The following ST3GAL3 variants were observed in gnomAD, a reference collection of about 807,000 sequenced individuals.
The protein encoded by ST3GAL3 is ST3 beta-galactoside alpha-2,3-sialyltransferase 3.
A neutral mutation model predicts 50.1 loss-of-function variants in ST3GAL3; 21 were observed. That is an observed-to-expected ratio of 0.42 (90% CI 0.30 to 0.60). ST3GAL3 has a LOEUF of 0.60. Ranked by LOEUF, ST3GAL3 falls within the 20% of genes least tolerant of loss-of-function variation. ST3GAL3 has a pLI of 0.19. For synonymous variants in ST3GAL3, 183 were observed against 190.0 expected (o/e 0.96, Z 0.30); for missense variants, 353 against 489.4 (o/e 0.72, Z 2.63).
At chr1:43,898,463 C>A in intron 7 of ST3GAL3, 165 bp downstream of exon 7, 1 of 724,218 alleles carries the variant, frequency 1.4e-6, no homozygotes, top group South Asian at 1.5e-5. Context: ...TGGAACCACT[C>A]CACCTGACTT....
chr1:43,928,521 A>AC (rs1489272723), intron 11 of ST3GAL3, among the ~76,000 whole-genome samples: 1 of 151,568 alleles, frequency 6.6e-6, no homozygotes, highest in African/African-American at 2.4e-5. Flanking sequence ...AATCCCTTGA[A>AC]CCCGGGGGGC....
intron 4 of ST3GAL3, among the ~76,000 whole-genome samples, chr1:43,827,041 C>A (rs916319233): frequency 1.3e-5 from 2 of 152,130 alleles, no homozygotes; most frequent in Admixed American, 6.5e-5. Context: ...AAGGATGTCC[C>A]CCCTCTCACC....
chr1:43,774,640 T>C (rs1445489069), intron 2 of ST3GAL3, among the ~76,000 whole-genome samples: 2 of 152,196 alleles, frequency 1.3e-5, no homozygotes, highest in African/African-American at 4.8e-5. Flanking sequence ...AAATACAGAT[T>C]TGTAAAAGTC....
At chr1:43,883,153 A>G (rs1224000879) in intron 5 of ST3GAL3, among the ~76,000 whole-genome samples, 1 of 151,772 alleles carries the variant, frequency 6.6e-6, no homozygotes, top group African/African-American at 2.4e-5. Context: ...ATTTTTCATA[A>G]TGACAGGGTC....
intron 4 of ST3GAL3, among the ~76,000 whole-genome samples, chr1:43,836,689 G>T (rs2064384474): frequency 6.6e-6 from 1 of 152,242 alleles, no homozygotes; most frequent in South Asian, 2.1e-4. Context: ...ACTCAGAACT[G>T]GCAGCCAGCC....
At chr1:43,748,213 A>G (rs1470915273) in intron 2 of ST3GAL3, among the ~76,000 whole-genome samples, 1 of 152,160 alleles carries the variant, frequency 6.6e-6, no homozygotes, top group African/African-American at 2.4e-5. Context: ...CAAATAGAAA[A>G]TAAGATTAAA....
chr1:43,853,039 TA>T (rs1291630939), intron 5 of ST3GAL3, among the ~76,000 whole-genome samples: 2 of 152,244 alleles, frequency 1.3e-5, no homozygotes, highest in Non-Finnish European at 2.9e-5. Context: ...TCGTAAAACC[TA>T]AATTGACACA....
intron 4 of ST3GAL3, among the ~76,000 whole-genome samples, chr1:43,834,471 C>A (rs565387800): frequency 6.6e-6 from 1 of 152,310 alleles, no homozygotes; most frequent in South Asian, 2.1e-4. Context: ...GTGGTGACCT[C>A]CCTGTTGCCG....
chr1:43,846,188 T>C (rs992966914), intron 5 of ST3GAL3, among the ~76,000 whole-genome samples: 2 of 152,216 alleles, frequency 1.3e-5, no homozygotes, highest in Non-Finnish European at 2.9e-5. Flanking sequence ...TTACTGACTT[T>C]CTGTACACTT....
intron 9 of ST3GAL3, among the ~76,000 whole-genome samples, chr1:43,904,862 C>CCT: frequency 3.2e-5 from 2 of 62,570 alleles, no homozygotes; most frequent in Non-Finnish European, 8.1e-5. Context: ...ACTCTTCCTC[C>CCT]TCCTCCTCCT....
chr1:43,815,883 TTGGATGGA>T (rs3838469), intron 4 of ST3GAL3, among the ~76,000 whole-genome samples: 26 of 145,394 alleles, frequency 1.8e-4, no homozygotes, highest in East Asian at 4.2e-4. Context: ...GAATGCTTGG[TTGGATGGA>T]TGGATGGATG....
At chr1:43,796,798 T>A (rs2058731204) in intron 3 of ST3GAL3, among the ~76,000 whole-genome samples, 1 of 152,204 alleles carries the variant, frequency 6.6e-6, no homozygotes, top group African/African-American at 2.4e-5. Context: ...TTGAATAATC[T>A]AATAAAGACT....
chr1:43,714,432 C>CAAAAAAA (rs35400929), intron 1 of ST3GAL3, among the ~76,000 whole-genome samples: 18 of 73,684 alleles, frequency 2.4e-4, no homozygotes, highest in African/African-American at 7.7e-4. Context: ...TACTAAAATA[C>CAAAAAAA]AAAAAAAAAA....
intron 2 of ST3GAL3, among the ~76,000 whole-genome samples, chr1:43,762,970 C>T (rs1002645803): frequency 2.2e-4 from 34 of 152,234 alleles, no homozygotes; most frequent in Middle Eastern, 3.4e-3. Flanking sequence ...TTCAAGAAGT[C>T]GTGCAAAGGC....
At chr1:43,794,108 GAA>G (rs2058418387) in intron 3 of ST3GAL3, among the ~76,000 whole-genome samples, 1 of 147,526 alleles carries the variant, frequency 6.8e-6, no homozygotes, top group East Asian at 2.0e-4. Context: ...AAAAAAGAAG[GAA>G]AAAAGAGAGA....
intron 2 of ST3GAL3, chr1:43,738,055 AAAAAT>A (rs1339701038): frequency 6.6e-6 from 1 of 152,230 alleles, no homozygotes; most frequent in Non-Finnish European, 1.5e-5. Context: ...TATTTTATTG[AAAAAT>A]ATAATAAATA....
chr1:43,826,329 G>T (rs1181797602), intron 4 of ST3GAL3, among the ~76,000 whole-genome samples: 1 of 152,144 alleles, frequency 6.6e-6, no homozygotes, highest in Admixed American at 6.5e-5. Flanking sequence ...TAACTTAGAT[G>T]AAATGGACTG....
At chr1:43,819,580 T>C (rs982829604) in intron 4 of ST3GAL3, among the ~76,000 whole-genome samples, 6 of 152,186 alleles carry the variant, frequency 3.9e-5, no homozygotes, top group African/African-American at 1.4e-4. Flanking sequence ...TTGAGAATTA[T>C]CTCCTCGCTC....
At chr1:43,798,217 G>A (rs924446751) in intron 3 of ST3GAL3, among the ~76,000 whole-genome samples, 1 of 152,118 alleles carries the variant, frequency 6.6e-6, no homozygotes, top group Non-Finnish European at 1.5e-5. Flanking sequence ...CACTGCCCAA[G>A]GTACCATCTT....
Sources: allele counts gnomAD v4.1 joint callset (sites outside exome capture counted in the v4.1 genomes callset), GRCh38; gene constraint gnomAD v4.1.1; transcripts MANE v1.5; gene names NCBI Gene and HGNC (gene_info 2026-07-23, HGNC 2026-07-21).